RACGAP1: variants seen among roughly 807,000 people sequenced by gnomAD.
RACGAP1 encodes Rac GTPase activating protein 1, also known as rac GTPase-activating protein 1.
RACGAP1 carries 30 observed loss-of-function variants against 78.1 expected under a neutral mutation model. The ratio of observed to expected loss-of-function variants is 0.38; its 90% CI spans 0.29 to 0.52. The LOEUF is 0.52. Among genes scored for constraint, RACGAP1 ranks in the 20% least tolerant of loss-of-function variants. The probability of loss-of-function intolerance (pLI) is 0.82; values close to 1 mark genes in which losing one functional copy is unlikely to be tolerated. For synonymous variants in RACGAP1, 231 were observed against 264.8 expected, an observed-to-expected ratio of 0.87 and a Z score of 1.24; for missense variants, 587 against 777.1, an observed-to-expected ratio of 0.76 and a Z score of 2.91.
Position 50,004,263 on chromosome 12 carries a change from A to C in RACGAP1, c.467T>G (p.Ile156Ser). The change falls in exon 5 of 17, where the codon ATC (isoleucine) becomes AGC (serine). Residue 156 changes from isoleucine (I) to serine (S), a missense_variant. Ile to Ser is a moderately radical substitution (Grantham distance 142, BLOSUM62 -2). Coordinates refer to ENST00000312377, the MANE Select transcript of RACGAP1 (RefSeq NM_001319999.2). ...IDESGSILSD[I>S]SFDKTDESLD... is the part of the protein sequence containing the mutation. ...TGATTCATCAGTCTTGTCAAAGCTG[A>C]TATCTGATAAAATGGAACCAGATTC... 6.2e-7 allele frequency: 1 copy of C among 1,606,392 alleles called. No individual in the cohort carries two copies. Among genetic ancestry groups the C allele is most frequent in the Middle Eastern group, 1.7e-4 (1 of 6,006 alleles).
At chr12:50,025,349 A>C in intron 1 of RACGAP1, 49 bp downstream of exon 1, 1 of 985,632 alleles carries the variant, frequency 1.0e-6, no homozygotes, top group Non-Finnish European at 1.2e-6. Flanking sequence ...TCTGCTTCCT[A>C]TCACAATCCA....
chr12:49,992,149 T>A lies in RACGAP1; in HGVS notation c.1579-16A>T. On this transcript the variant is annotated splice_polypyrimidine_tract_variant and intron_variant, in intron 14 of 16. Coordinates refer to ENST00000312377, the MANE Select transcript of RACGAP1 (RefSeq NM_001319999.2). ...GCTCAACCACCTAAAAGCCAGCAAA[T>A]CTGTTAGCAAACTTCCAAAGCTCAG... 1 of 1,612,828 alleles carries A rather than the reference T, an allele frequency of 6.2e-7. No homozygotes were observed. Among genetic ancestry groups the A allele is most frequent in the Non-Finnish European group, 8.5e-7 (1 of 1,179,480 alleles).
In RACGAP1 at chr12:50,016,016, C is replaced by T. The variant is rs533430353; in HGVS notation, c.85+615G>A. On this transcript the variant is annotated intron_variant, in intron 2 of 16. Transcript: ENST00000312377. ...ACTACTACTCTAAAGAAAAAAGCAA[C>T]ATCCTAGTAAATTTTTCCCAGTTCA... Among the ~76,000 whole-genome samples, 7 of 152,016 alleles carry T rather than the reference C, an allele frequency of 4.6e-5. No homozygotes were observed. The East Asian group carries it at 1.4e-3, about 29-fold the overall frequency.
At chr12:50,031,878 A>AAATAAT (rs965540414) in intron 1 of RACGAP1, 2 of 316,160 alleles carry the variant, frequency 6.3e-6, no homozygotes, top group African/African-American at 2.3e-5. Flanking sequence ...CTATAAATGG[A>AAATAAT]AATAATAATA....
intron 2 of RACGAP1, among the ~76,000 whole-genome samples, chr12:50,010,921 G>A (rs528108143): frequency 8.5e-5 from 8 of 94,290 alleles, no homozygotes; most frequent in Admixed American, 6.5e-4. Context: ...AACAAAGAGC[G>A]AAAAATTCTG....
At chr12:50,018,796 G>T (rs1043543974) in intron 1 of RACGAP1, among the ~76,000 whole-genome samples, 1 of 151,620 alleles carries the variant, frequency 6.6e-6, no homozygotes, top group Admixed American at 6.6e-5. Flanking sequence ...TTTTAGGGGG[G>T]GTTTTAAGTC....
intron 2 of RACGAP1, among the ~76,000 whole-genome samples, chr12:50,014,592 T>G (rs1425970629): frequency 3.9e-5 from 6 of 152,084 alleles, no homozygotes; most frequent in African/African-American, 1.4e-4. Flanking sequence ...TGAAACAGGG[T>G]CTCGCTCTGT....
intron 2 of RACGAP1, among the ~76,000 whole-genome samples, chr12:50,030,636 C>T (rs1053838690): frequency 1.3e-5 from 2 of 151,992 alleles, no homozygotes; most frequent in Non-Finnish European, 2.9e-5. Context: ...TTGCAGTAAC[C>T]CGCGATTGCG....
chr12:50,017,922 C>T (rs1009614915), intron 1 of RACGAP1, among the ~76,000 whole-genome samples: 3 of 152,020 alleles, frequency 2.0e-5, no homozygotes, highest in African/African-American at 4.8e-5. Flanking sequence ...TTTGGGAGGC[C>T]CAGGCGGGCG....
upstream of RACGAP1, among the ~76,000 whole-genome samples, chr12:50,030,427 C>T (rs1018868131): frequency 6.6e-6 from 1 of 151,698 alleles, no homozygotes; most frequent in Non-Finnish European, 1.5e-5. Context: ...GTAGCTCACA[C>T]CTGTAATCCC....
chr12:49,992,180 C>T, intron 14 of RACGAP1, 47 bp from the exon 15 acceptor site: 1 of 1,612,624 alleles, frequency 6.2e-7, no homozygotes, highest in South Asian at 1.1e-5. Flanking sequence ...CTCAGGGCTT[C>T]TCAACTGTCT....
intron 2 of RACGAP1, among the ~76,000 whole-genome samples, chr12:50,006,925 C>T (rs750940635): frequency 6.6e-6 from 1 of 152,148 alleles, no homozygotes; most frequent in Non-Finnish European, 1.5e-5. Flanking sequence ...AGATGTAACA[C>T]TAACACTGAA....
At chr12:50,028,581 C>T (rs540366444), upstream of RACGAP1, among the ~76,000 whole-genome samples, 1 of 152,150 alleles carries the variant, frequency 6.6e-6, no homozygotes, top group East Asian at 1.9e-4. Flanking sequence ...CCAGCCTGGC[C>T]AACATGGTGA....
rs752863917 is a variant in RACGAP1 at position 50,005,311 on chromosome 12, C to T, written c.370G>A (p.Ala124Thr). Residue 124 changes from alanine (A) to threonine (T), a missense_variant, in exon 4 of 17, where the codon GCT becomes ACT. Transcript: ENST00000312377. The stretch of plus-strand genomic sequence containing the variant: ...TGGCCTCTGTTGAGAAAAGCCAGAG[C>T]TGATTTTTGCTCCTCGCTTAGTTGA... ...SIQLSEEQKS[A>T]LAFLNRGQPS... 8.1e-6 allele frequency: 13 copies of T among 1,614,224 alleles called. No individual in the cohort carries two copies. In the Admixed American group the frequency reaches 2.0e-4, roughly 25 times the overall value.
chr12:49,991,481 T>TATATATATATATATATA (rs1592124066), intron 15 of RACGAP1, among the ~76,000 whole-genome samples: 11 of 9,166 alleles, frequency 1.2e-3, no homozygotes, highest in South Asian at 6.9e-3. Flanking sequence ...ATATATATAT[T>TATATATATATATATATA]TTTTTTTTTT....
At chr12:50,001,394 TC>T (rs2137377239) in intron 6 of RACGAP1, 142 bp from the exon 7 acceptor site, 1 of 552,074 alleles carries the variant, frequency 1.8e-6, no homozygotes, top group Admixed American at 3.2e-5. Context: ...TCTCTCTCTC[TC>T]TCTCTTTGCC....
chr12:49,996,922 C>G, intron 10 of RACGAP1, 118 bp downstream of exon 10: 1 of 1,352,490 alleles, frequency 7.4e-7, no homozygotes, highest in Non-Finnish European at 9.6e-7. Flanking sequence ...CAATTCTAGT[C>G]ATTATTTGTG....
At chr12:49,991,595 C>A (rs1446846994) in intron 15 of RACGAP1, among the ~76,000 whole-genome samples, 2 of 144,706 alleles carry the variant, frequency 1.4e-5, no homozygotes, top group African/African-American at 5.1e-5. Flanking sequence ...TCCAGCAATT[C>A]CTTGTGCCTC....
At chr12:49,990,371 A>G in intron 16 of RACGAP1, 28 bp from the exon 17 acceptor site, 1 of 1,562,636 alleles carries the variant, frequency 6.4e-7, no homozygotes, top group Non-Finnish European at 8.8e-7. Context: ...TGAACTGGAA[A>G]AATATTCTAT....
Sources: gnomAD v4.1 joint callset for allele counts (sites outside exome capture counted in the v4.1 genomes callset) on GRCh38, gnomAD v4.1.1 for gene constraint, MANE v1.5 for transcripts, NCBI Gene and HGNC (gene_info 2026-07-23, HGNC 2026-07-21) for gene names.